Variants in KDM2B observed in about 807,000 individuals in gnomAD.
The protein encoded by KDM2B is lysine-specific demethylase 2B.
Under a neutral mutation model 150.0 loss-of-function variants are expected in KDM2B, and 26 were observed. The observed-to-expected ratio is 0.17, with a 90% confidence interval of 0.13 to 0.24. The LOEUF (loss-of-function observed/expected upper bound fraction) is 0.24, where lower values mean the gene tolerates loss of function less well. Ranked by LOEUF, KDM2B falls within the 10% of genes least tolerant of loss-of-function variation. The pLI is 1.00. For missense variants in KDM2B, 1,265 were observed against 1,816.9 expected (o/e 0.70, Z 5.52); for synonymous variants, 734 against 729.5 (o/e 1.01, Z -0.10).
chr12:121,525,531 G>A (rs1182168175), intron 8 of KDM2B, among the ~76,000 whole-genome samples: 5 of 152,138 alleles, frequency 3.3e-5, no homozygotes, highest in South Asian at 2.1e-4. Context: ...GATTACAGGC[G>A]TGAGCCACCG....
At chr12:121,422,721 G>A in the KDM2B span, among the ~76,000 whole-genome samples, 11 of 152,140 alleles carry the variant, frequency 7.2e-5, no homozygotes, top group East Asian at 2.1e-3. Context: ...TCTCAGGCTG[G>A]GGTTAACTTT....
chr12:121,561,281 A>C (rs1260399358), intron 4 of KDM2B, among the ~76,000 whole-genome samples: 2 of 152,128 alleles, frequency 1.3e-5, no homozygotes, highest in African/African-American at 4.8e-5. Context: ...GGCTCTTCCG[A>C]GAGCTCACAG....
chr12:121,499,448 T>C (rs77105349), intron 11 of KDM2B, among the ~76,000 whole-genome samples: 16,518 of 151,740 alleles, frequency 0.11, 1,178 homozygotes, highest in African/African-American at 0.2. Flanking sequence ...CAATTGTTCT[T>C]GGTAAGCCTG....
intron 12 of KDM2B, among the ~76,000 whole-genome samples, chr12:121,463,591 ATTT>A (rs1879411413): frequency 6.6e-6 from 1 of 152,044 alleles, no homozygotes; most frequent in Admixed American, 6.6e-5. Flanking sequence ...ATTTAAAAAA[ATTT>A]TTTTGAGAAA....
chr12:121,430,190 C>G lies in KDM2B; in HGVS notation c.*98G>C, dbSNP rs781908485. Reference sequence around the variant, plus strand: ...TTGCAAAATGGAATTGCGTTGTGGTCTGTTGTCCCACGTTCCAAATGGAAA... The same window carrying G: ...TTGCAAAATGGAATTGCGTTGTGGTGTGTTGTCCCACGTTCCAAATGGAAA... On this transcript the variant is annotated 3_prime_UTR_variant, in exon 23 of 23. Coordinates refer to ENST00000377071, the MANE Select transcript of KDM2B (RefSeq NM_032590.5). This position sits in a 1 kb window ranked among gnomAD's most constrained non-coding sequence, Gnocchi z 4.4. The G allele has an allele frequency of 1.2e-6, 2 of 1,614,192 alleles. No homozygotes were observed. The highest frequency in any genetic ancestry group is 3.3e-5 in the Admixed American group (2 of 60,024).
At chr12:121,432,440 C>A (rs1390984510) in intron 22 of KDM2B, among the ~76,000 whole-genome samples, 2 of 152,144 alleles carry the variant, frequency 1.3e-5, no homozygotes, top group African/African-American at 4.8e-5. Flanking sequence ...TTTACTATGA[C>A]ATGTTGACCA....
In KDM2B at chr12:121,498,069, CTG is replaced by C. The variant is rs201099526; in HGVS notation, c.1648-3406_1648-3405del. ...CGAGACCATGCCACTGCACTCCAGT[CTG>C]AGAAACAGAGTAAGACTTTGTCTCA... On this transcript the variant is annotated intron_variant, in intron 11 of 22. Transcript: ENST00000377071. Among the ~76,000 whole-genome samples the C allele has an allele frequency of 3.2e-3, 484 of 152,168 alleles. 6 individuals are homozygous for C. Among genetic ancestry groups the C allele is most frequent in the African/African-American group, 0.011 (464 of 41,524 alleles).
the KDM2B span, among the ~76,000 whole-genome samples, chr12:121,411,905 G>A: frequency 6.6e-6 from 1 of 152,178 alleles, no homozygotes; most frequent in South Asian, 2.1e-4. Context: ...ATGAAGAGAA[G>A]TTTATCCTGG....
At chr12:121,454,009 C>T (rs1351291527) in intron 12 of KDM2B, among the ~76,000 whole-genome samples, 2 of 152,140 alleles carry the variant, frequency 1.3e-5, no homozygotes, top group African/African-American at 4.8e-5. Flanking sequence ...TCCCCCAGCC[C>T]GGAAGGCCAA....
intron 11 of KDM2B, among the ~76,000 whole-genome samples, chr12:121,503,553 C>T (rs1253860308): frequency 6.6e-6 from 1 of 152,060 alleles, no homozygotes; most frequent in Non-Finnish European, 1.5e-5. Context: ...CTCCAGCCAC[C>T]CTCCCACTTT....
intron 11 of KDM2B, among the ~76,000 whole-genome samples, chr12:121,496,664 G>A (rs1555301074): frequency 1.3e-5 from 2 of 151,994 alleles, no homozygotes; most frequent in East Asian, 1.9e-4. Context: ...CCAGCTAATT[G>A]TATTATTTGT....
At chr12:121,510,607 A>G (rs1463520773) in intron 10 of KDM2B, among the ~76,000 whole-genome samples, 1 of 152,076 alleles carries the variant, frequency 6.6e-6, no homozygotes, top group East Asian at 1.9e-4. Context: ...AGACTGAGAA[A>G]CACAGTGAAA....
chr12:121,540,306 C>T (rs545456041), intron 6 of KDM2B, among the ~76,000 whole-genome samples: 1 of 152,090 alleles, frequency 6.6e-6, no homozygotes, highest in South Asian at 2.1e-4. Context: ...TGTGCGGGGC[C>T]GGTTTCCCTA....
At chr12:121,426,509 T>C (rs762422746), downstream of KDM2B, among the ~76,000 whole-genome samples, 6 of 145,290 alleles carry the variant, frequency 4.1e-5, no homozygotes, top group Non-Finnish European at 7.5e-5. Context: ...TACAGTGGCA[T>C]GATCATAGCT....
chr12:121,540,479 T>C (rs1257056956), intron 6 of KDM2B, among the ~76,000 whole-genome samples: 1 of 152,098 alleles, frequency 6.6e-6, no homozygotes. Flanking sequence ...CCAGGTGCAG[T>C]GGCTCACACC....
upstream of KDM2B, among the ~76,000 whole-genome samples, chr12:121,581,828 C>A (rs1273687283): frequency 6.6e-6 from 1 of 152,146 alleles, no homozygotes; most frequent in Non-Finnish European, 1.5e-5. Context: ...CCAGGAGATA[C>A]GATGTCACTA....
chr12:121,580,705 A>T, intron 1 of KDM2B, 81 bp downstream of exon 1: 14 of 987,796 alleles, frequency 1.4e-5, no homozygotes, highest in East Asian at 3.9e-5. Flanking sequence ...CCCAAAAACG[A>T]CCCCCCACCT....
chr12:121,578,192 G>C (rs1261905159), intron 2 of KDM2B, among the ~76,000 whole-genome samples: 1 of 152,212 alleles, frequency 6.6e-6, no homozygotes, highest in Non-Finnish European at 1.5e-5. Flanking sequence ...CTCCGGCCCA[G>C]GTAGGGGTTC....
intron 9 of KDM2B, among the ~76,000 whole-genome samples, chr12:121,514,293 A>AT (rs1320425736): frequency 4.0e-5 from 6 of 151,568 alleles, no homozygotes; most frequent in Admixed American, 3.3e-4. Flanking sequence ...GTTTTTTTGT[A>AT]TTTTTTGTAG....
Sources: gnomAD v4.1 joint callset for allele counts (sites outside exome capture counted in the v4.1 genomes callset) on GRCh38, gnomAD v4.1.1 for gene constraint, Gnocchi (gnomAD v3.1) non-coding constraint, MANE v1.5 for transcripts, NCBI Gene and HGNC (gene_info 2026-07-23, HGNC 2026-07-21) for gene names.